KRABD3: variants seen among roughly 807,000 people sequenced by gnomAD.
KRABD3 encodes the protein KRAB domain-containing protein 3.
chr7:149,719,748 G>T, the KRABD3 span: 1 of 1,502,674 alleles, frequency 6.7e-7, no homozygotes, highest in Non-Finnish European at 9.0e-7. This position sits in a 1 kb window ranked among gnomAD's most constrained non-coding sequence, Gnocchi z 5.6. Context: ...CCCTGGACCC[G>T]GCAGCCTTAG....
At chr7:149,721,002 A>G in the KRABD3 span, 42 of 1,612,718 alleles carry the variant, frequency 2.6e-5, no homozygotes, top group Admixed American at 3.3e-5. Context: ...TAAGTCAGAC[A>G]GTGGGGCAGT....
At chr7:149,718,735 G>A in the KRABD3 span, among the ~76,000 whole-genome samples, 1 of 152,124 alleles carries the variant, frequency 6.6e-6, no homozygotes, top group Non-Finnish European at 1.5e-5. Context: ...GCCTGGTCTC[G>A]AACTCCTGAT....
At chr7:149,727,400 C>A in the KRABD3 span, among the ~76,000 whole-genome samples, 1 of 152,214 alleles carries the variant, frequency 6.6e-6, no homozygotes, top group Non-Finnish European at 1.5e-5. Flanking sequence ...CAACTGACTT[C>A]ATAGGTAATA....
chr7:149,725,209 A>G, the KRABD3 span: 1 of 1,133,848 alleles, frequency 8.8e-7, no homozygotes, highest in South Asian at 1.7e-5. Flanking sequence ...CTGGTACAGG[A>G]CTCGTCACCC....
chr7:149,730,141 GCC>G, the KRABD3 span: 1 of 1,502,546 alleles, frequency 6.7e-7, no homozygotes, highest in Admixed American at 2.3e-5. Flanking sequence ...CTGGTCCCCT[GCC>G]CAGGGTCTGC....
the KRABD3 span, among the ~76,000 whole-genome samples, chr7:149,731,463 C>T: frequency 6.6e-6 from 1 of 152,220 alleles, no homozygotes; most frequent in African/African-American, 2.4e-5. Context: ...CCGGAGCCCC[C>T]TGCATACAGG....
At chr7:149,727,547 C>A in the KRABD3 span, among the ~76,000 whole-genome samples, 138 of 152,342 alleles carry the variant, frequency 9.1e-4, no homozygotes, top group African/African-American at 3.2e-3. Flanking sequence ...TCTATACATG[C>A]CCCCTCCAGG....
At chr7:149,721,187 C>T in the KRABD3 span, among the ~76,000 whole-genome samples, 3 of 152,334 alleles carry the variant, frequency 2.0e-5, no homozygotes, top group Admixed American at 1.3e-4. Flanking sequence ...CTCTGACTTT[C>T]GCATGGTGGT....
the KRABD3 span, chr7:149,719,767 C>T: frequency 7.0e-7 from 1 of 1,424,354 alleles, no homozygotes; most frequent in Non-Finnish European, 9.4e-7. The surrounding 1 kb of genome is among the most constrained non-coding windows in gnomAD (Gnocchi z 5.6). Context: ...AGTCTTTCCA[C>T]CTGAGAAATG....
the KRABD3 span, chr7:149,723,783 C>T: frequency 1.9e-6 from 3 of 1,614,040 alleles, no homozygotes; most frequent in Non-Finnish European, 2.5e-6. Context: ...GTCTGCTACA[C>T]TGTCTGAAGG....
chr7:149,726,044 G>T, the KRABD3 span: 1 of 1,611,934 alleles, frequency 6.2e-7, no homozygotes, highest in Non-Finnish European at 8.5e-7. Flanking sequence ...GGAACCAGGG[G>T]CAGCATCCTG....
chr7:149,726,114 C>A, the KRABD3 span: 2 of 1,507,480 alleles, frequency 1.3e-6, no homozygotes, highest in South Asian at 2.5e-5. Flanking sequence ...ACTCAAGGCC[C>A]CTTGCCCAGT....
chr7:149,729,893 A>C, the KRABD3 span: 1 of 1,250,824 alleles, frequency 8.0e-7, no homozygotes, highest in Non-Finnish European at 1.0e-6. Flanking sequence ...CTGACTGCTA[A>C]TGGCTTCCAA....
At chr7:149,731,590 T>C in the KRABD3 span, 2 of 995,270 alleles carry the variant, frequency 2.0e-6, no homozygotes, top group Middle Eastern at 2.1e-4. Flanking sequence ...GTTGAGAGTT[T>C]GATATTGTTT....
the KRABD3 span, chr7:149,722,335 C>T: frequency 6.5e-7 from 1 of 1,545,272 alleles, no homozygotes; most frequent in Middle Eastern, 2.0e-4. Flanking sequence ...CTGGAGAGGG[C>T]TGTCCTCTAT....
At chr7:149,718,739 T>C in the KRABD3 span, among the ~76,000 whole-genome samples, 1 of 152,180 alleles carries the variant, frequency 6.6e-6, no homozygotes, top group Non-Finnish European at 1.5e-5. Context: ...GGTCTCGAAC[T>C]CCTGATCTCA....
At chr7:149,716,494 C>G in the KRABD3 span, among the ~76,000 whole-genome samples, 2 of 152,266 alleles carry the variant, frequency 1.3e-5, no homozygotes, top group Non-Finnish European at 2.9e-5. Context: ...TGCACACTCA[C>G]ACTTGCTCAC....
At chr7:149,714,985 G>A in the KRABD3 span, 2 of 1,195,312 alleles carry the variant, frequency 1.7e-6, no homozygotes, top group Admixed American at 4.3e-5. Flanking sequence ...CGCCGCCGAC[G>A]AGGGTCGCGT....
At chr7:149,722,732 G>A in the KRABD3 span, 8 of 1,544,542 alleles carry the variant, frequency 5.2e-6, no homozygotes, top group East Asian at 2.3e-5. Flanking sequence ...CAGCGCTCCC[G>A]GTGTCCCGTC....
Sources: allele counts gnomAD v4.1 joint callset (sites outside exome capture counted in the v4.1 genomes callset), GRCh38; gene constraint gnomAD v4.1.1; non-coding constraint Gnocchi (gnomAD v3.1); transcripts MANE v1.5; gene names NCBI Gene and HGNC (gene_info 2026-07-23, HGNC 2026-07-21).